The following RYR2 variants were observed in gnomAD, a reference collection of about 807,000 sequenced individuals.
RYR2 encodes the protein cardiac muscle ryanodine receptor-calcium release channel.
In RYR2, 227 loss-of-function variants were observed where a neutral mutation model predicts 601.1. That is an observed-to-expected ratio of 0.38 (90% CI 0.34 to 0.42). RYR2 has a LOEUF of 0.42. RYR2 is among the 10% of genes least tolerant of loss of function. The pLI, the probability that RYR2 is intolerant of heterozygous loss-of-function variation, is 1.00. For missense variants in RYR2, 4,646 were observed against 6,156.5 expected (o/e 0.75, Z 8.21); for synonymous variants, 2,223 against 2,175.1 (o/e 1.02, Z -0.61).
At chr1:237,135,736 G>T (rs193145932) in intron 1 of RYR2, among the ~76,000 whole-genome samples, 9 of 152,240 alleles carry the variant, frequency 5.9e-5, no homozygotes, top group Admixed American at 5.9e-4. Flanking sequence ...GCTTATTGAA[G>T]GTCTGTCATT....
At chr1:237,641,700 C>T (rs1015617949) in intron 47 of RYR2, among the ~76,000 whole-genome samples, 1 of 152,078 alleles carries the variant, frequency 6.6e-6, no homozygotes, top group Non-Finnish European at 1.5e-5. Context: ...TGCCACCACG[C>T]CCAACTAATT....
chr1:237,315,744 T>C (rs556532813), intron 2 of RYR2, among the ~76,000 whole-genome samples: 8 of 152,294 alleles, frequency 5.3e-5, no homozygotes, highest in East Asian at 1.9e-4. Flanking sequence ...GATGAGTCCA[T>C]ATCTGAGCTT....
chr1:237,144,448 C>T (rs1005382971), intron 1 of RYR2, among the ~76,000 whole-genome samples: 18 of 152,086 alleles, frequency 1.2e-4, no homozygotes, highest in Non-Finnish European at 2.5e-4. Flanking sequence ...GTAGAGACTG[C>T]GAGATAGGGA....
intron 1 of RYR2, among the ~76,000 whole-genome samples, chr1:237,091,125 T>C (rs1439958801): frequency 6.6e-6 from 1 of 152,142 alleles, no homozygotes; most frequent in African/African-American, 2.4e-5. Context: ...TGGTTAACTT[T>C]GAAAATGTGG....
chr1:237,162,588 G>T (rs956691721), intron 1 of RYR2, among the ~76,000 whole-genome samples: 7 of 152,012 alleles, frequency 4.6e-5, no homozygotes, highest in Non-Finnish European at 1.0e-4. Context: ...ATTTAAACAT[G>T]CTTTGGGTTG....
chr1:237,609,805 C>G (rs375122012), intron 35 of RYR2, among the ~76,000 whole-genome samples: 1 of 152,080 alleles, frequency 6.6e-6, no homozygotes, highest in African/African-American at 2.4e-5. Flanking sequence ...TTTAAAATAC[C>G]ATTTAATTCA....
At chr1:237,759,913 G>A (rs1040290028) in intron 83 of RYR2, 61 bp downstream of exon 83, 27 of 1,035,528 alleles carry the variant, frequency 2.6e-5, no homozygotes, top group African/African-American at 1.5e-4. Flanking sequence ...CGAAGCATTT[G>A]TTTCTTACTC....
intron 10 of RYR2, among the ~76,000 whole-genome samples, chr1:237,393,087 AGTGTTC>A (rs921183464): frequency 6.6e-6 from 1 of 152,084 alleles, no homozygotes; most frequent in African/African-American, 2.4e-5. Context: ...GGGGATGGAG[AGTGTTC>A]ATGTGTGTGG....
intron 29 of RYR2, among the ~76,000 whole-genome samples, chr1:237,576,807 G>A (rs1673269357): frequency 6.6e-6 from 1 of 152,118 alleles, no homozygotes; most frequent in South Asian, 2.1e-4. Context: ...TGATGAAAAG[G>A]TATGAACAGG....
chr1:237,200,955 A>G (rs559877689), intron 1 of RYR2, among the ~76,000 whole-genome samples: 32 of 152,322 alleles, frequency 2.1e-4, no homozygotes, highest in Non-Finnish European at 2.1e-4. Flanking sequence ...TCATTCAGGA[A>G]ACTGACTCCA....
chr1:237,257,068 T>C (rs1688063060), intron 1 of RYR2, among the ~76,000 whole-genome samples: 1 of 152,210 alleles, frequency 6.6e-6, no homozygotes, highest in Non-Finnish European at 1.5e-5. Context: ...TCTATTCACT[T>C]TAGCTGTAGC....
intron 1 of RYR2, among the ~76,000 whole-genome samples, chr1:237,221,366 A>G (rs1194215542): frequency 1.3e-5 from 2 of 152,218 alleles, no homozygotes; most frequent in African/African-American, 4.8e-5. Context: ...GCTTTAACTT[A>G]TGAAATGTGT....
rs978894630 is a variant in RYR2 at position 237,106,648 on chromosome 1, G to A, written c.48+64079G>A. ...TCCTTGAAAAAATGGATTTCTCAGT[G>A]TGATGTGTATACAGTGTCCCTTTTT... is the stretch of plus-strand genomic sequence containing the variant. On this transcript the variant is annotated intron_variant, in intron 1 of 104. Coordinates refer to ENST00000366574, the MANE Select transcript of RYR2 (RefSeq NM_001035.3). This position sits in a 1 kb window ranked among gnomAD's most constrained non-coding sequence, Gnocchi z 4.4. Among the ~76,000 whole-genome samples the A allele has an allele frequency of 3.9e-5, 6 of 152,240 alleles. No individual in the cohort carries two copies. Among genetic ancestry groups the A allele is most frequent in the African/African-American group, 1.4e-4 (6 of 41,454 alleles).
intron 17 of RYR2, among the ~76,000 whole-genome samples, chr1:237,472,951 G>A (rs1045756223): frequency 6.6e-6 from 1 of 151,396 alleles, no homozygotes; most frequent in African/African-American, 2.4e-5. Context: ...AGAGAAGAAA[G>A]GGTCTAATGA....
Position 237,271,308 on chromosome 1 carries a change from C to T in RYR2, c.168+692C>T, listed in dbSNP as rs924438835. Among the ~76,000 whole-genome samples the T allele has an allele frequency of 1.4e-4, 21 of 151,992 alleles. 1 individual carries two copies. Among genetic ancestry groups the T allele is most frequent in the South Asian group, 2.1e-4 (1 of 4,830 alleles). On this transcript the variant is annotated intron_variant, in intron 2 of 104. Coordinates refer to ENST00000366574, the MANE Select transcript of RYR2 (RefSeq NM_001035.3). Reference sequence around the variant, plus strand: ...AACTAACTTTTTGAGACAATCGCTCCGAGGATATTTATTCTTTTAGGCTGA... The same window carrying T: ...AACTAACTTTTTGAGACAATCGCTCTGAGGATATTTATTCTTTTAGGCTGA...
intron 1 of RYR2, among the ~76,000 whole-genome samples, chr1:237,107,036 G>T (rs974750026): frequency 6.6e-6 from 1 of 152,040 alleles, no homozygotes; most frequent in Non-Finnish European, 1.5e-5. Context: ...AGGTTAATTT[G>T]GATTAAGAAA....
intron 1 of RYR2, among the ~76,000 whole-genome samples, chr1:237,242,843 C>A (rs556941205): frequency 1.1e-4 from 16 of 152,124 alleles, no homozygotes; most frequent in Non-Finnish European, 2.2e-4. Context: ...TGTATTGGAG[C>A]TCTTTTGGAT....
chr1:237,642,768 C>T (rs1268562538), intron 47 of RYR2, among the ~76,000 whole-genome samples: 1 of 152,136 alleles, frequency 6.6e-6, no homozygotes, highest in Non-Finnish European at 1.5e-5. Context: ...ATCCTGGATA[C>T]TTCATGTCAG....
At chr1:237,045,292 G>A (rs1259283925) in intron 1 of RYR2, among the ~76,000 whole-genome samples, 1 of 152,204 alleles carries the variant, frequency 6.6e-6, no homozygotes, top group Non-Finnish European at 1.5e-5. Flanking sequence ...GTTAAGGGAA[G>A]TAGAGGTGAA....
Sources: gnomAD v4.1 joint callset for allele counts (sites outside exome capture counted in the v4.1 genomes callset) on GRCh38, gnomAD v4.1.1 for gene constraint, Gnocchi (gnomAD v3.1) non-coding constraint, MANE v1.5 for transcripts, NCBI Gene and HGNC (gene_info 2026-07-23, HGNC 2026-07-21) for gene names.